TTN: variants seen among roughly 807,000 people sequenced by gnomAD.
The protein encoded by TTN is titin.
A neutral mutation model predicts 3,223.0 loss-of-function variants in TTN; 1,525 were observed. The observed-to-expected ratio is 0.47, with a 90% CI of 0.45 to 0.49. The LOEUF is 0.49. TTN is among the 20% of genes least tolerant of loss of function. TTN has a pLI of 0.00. For missense variants in TTN, 40,786 were observed against 43,424.0 expected (o/e 0.94, Z 5.40); for synonymous variants, 14,094 against 15,161.0 (o/e 0.93, Z 5.17).
chr2:178,681,486 GA>G, intron 136 of TTN, 36 bp from the exon 137 acceptor site: 1 of 1,566,122 alleles, frequency 6.4e-7, no homozygotes, highest in South Asian at 1.2e-5. Flanking sequence ...TTTAAAAATT[GA>G]AACAGGTTTC....
rs1704468647 is a variant in TTN at position 178,563,531 on chromosome 2, A to G, written c.82601T>C (p.Leu27534Pro). ...LTDLRLRVTG[L>P]TEGHSYEFRV... ...GAATTCATAGGAATGGCCTTCGGTA[A>G]GACCAGTTACCCTGAGCCGCAGATC... is the stretch of plus-strand genomic sequence containing the variant. Residue 27534 changes from leucine to proline, a missense_variant, in exon 326 of 363, where the codon CTT becomes CCT. Physicochemically the swap from Leu to Pro is moderately conservative, Grantham distance 98. Coordinates refer to ENST00000589042, the MANE Select transcript of TTN (RefSeq NM_001267550.2). This position sits in a 1 kb window ranked among gnomAD's most constrained non-coding sequence, Gnocchi z 4.5. 6.2e-7 allele frequency: 1 copy of G among 1,613,678 alleles called. No individual in the cohort carries two copies. The highest frequency in any genetic ancestry group is 8.5e-7 in the Non-Finnish European group (1 of 1,179,764).
Position 178,678,836 on chromosome 2 carries a change from A to C in TTN, c.33743-6T>G. ...TTTCTTGGGCACTTCAGGAACTTCA[A>C]AGATATCAAATAGAGTTAGTGTCAC... On this transcript the variant is annotated splice_region_variant and splice_polypyrimidine_tract_variant and intron_variant, in intron 142 of 362. Coordinates refer to ENST00000589042, the MANE Select transcript of TTN (RefSeq NM_001267550.2). 1.3e-6 allele frequency: 2 copies of C among 1,584,666 alleles called. No individual in the cohort carries two copies. The highest frequency in any genetic ancestry group is 4.6e-5 in the East Asian group (2 of 43,324).
intron 288 of TTN, chr2:178,600,456 A>C: frequency 5.5e-6 from 1 of 181,826 alleles, no homozygotes; most frequent in South Asian, 1.0e-4. Context: ...ATTAAAATGG[A>C]TATATCTTTT....
At position 178,723,708 on chromosome 2, in the gene TTN, T is replaced by C. The variant is rs2078839928; in HGVS notation, c.21404-12A>G. On this transcript the variant is annotated splice_polypyrimidine_tract_variant and intron_variant, in intron 73 of 362. Coordinates refer to ENST00000589042, the MANE Select transcript of TTN (RefSeq NM_001267550.2). ...AAAAGAGGGTGGTTCTATATAGACATGGAGAACAATTAAAAGATCCTGTAA... is the reference window on the plus strand; with the variant it reads ...AAAAGAGGGTGGTTCTATATAGACACGGAGAACAATTAAAAGATCCTGTAA... 1 of 1,544,364 alleles carries C rather than the reference T, an allele frequency of 6.5e-7. No individual in the cohort carries two copies. Among genetic ancestry groups the C allele is most frequent in the Non-Finnish European group, 8.7e-7 (1 of 1,150,848 alleles).
intron 121 of TTN, 109 bp from the exon 122 acceptor site, chr2:178,690,005 TCTATGCATCA>T (rs1370596889): frequency 4.6e-6 from 4 of 866,160 alleles, no homozygotes; most frequent in Non-Finnish European, 3.6e-6. Context: ...TTATGGATTA[TCTATGCATCA>T]GCAAAATTAT....
chr2:178,574,295 G>C lies in TTN; in HGVS notation c.71837C>G (p.Ala23946Gly), dbSNP rs1709305155. Residue 23946 changes from alanine to glycine, a missense_variant, in exon 326 of 363, where the codon GCT becomes GGT. Physicochemically the swap from Ala to Gly is moderately conservative, Grantham distance 60. Coordinates refer to ENST00000589042, the MANE Select transcript of TTN (RefSeq NM_001267550.2). ...ITRHTVTLKWAKPEYTGGFKI... is the reference protein window; with the variant it reads ...ITRHTVTLKWGKPEYTGGFKI... The stretch of plus-strand genomic sequence containing the variant: ...AAAGCCCCCAGTATATTCAGGCTTA[G>C]CCCATTTAAGTGTTACTGTGTGTCT... 1.2e-6 allele frequency: 2 copies of C among 1,613,414 alleles called. No homozygotes were observed. The highest frequency in any genetic ancestry group is 4.5e-5 in the East Asian group (2 of 44,722).
rs751248617 is a variant in TTN at position 178,684,421 on chromosome 2, G to T, written c.32639-8C>A. On this transcript the variant is annotated splice_region_variant and splice_polypyrimidine_tract_variant and intron_variant, in intron 131 of 362. Transcript: ENST00000589042. ...GCATGTGCCTCTCAGTCACTTAAAA[G>T]ATAATTTTAGGATTAGGGAGTTATA... The T allele has an allele frequency of 5.6e-6, 9 of 1,612,882 alleles. No homozygotes were observed. The highest frequency in any genetic ancestry group is 4.2e-6 in the Non-Finnish European group (5 of 1,179,250).
rs1356796572 is a variant in TTN, at chr2:178,632,531, A to G, written c.43475T>C (p.Ile14492Thr). Residue 14492 changes from isoleucine (I) to threonine (T), a missense_variant, in exon 235 of 363, where the codon ATT (isoleucine) becomes ACT (threonine). Transcript: ENST00000589042. ...TATTTGATAAAACTATTTACCTTCA[A>G]TGATCAGTTTGCCACTTGTGTGCTT... ...EDKHTSGKLI[I>T]EGIRLKFLTP... 2 of 1,612,754 alleles carry G rather than the reference A, an allele frequency of 1.2e-6. No homozygotes were observed. The highest frequency in any genetic ancestry group is 1.7e-5 in the Admixed American group (1 of 59,900).
rs778578711 is a variant in TTN at position 178,607,450 on chromosome 2, A to G, written c.53238T>C (p.Ala17746=). 6.2e-7 allele frequency: 1 copy of G among 1,613,210 alleles called. No homozygotes were observed. Among genetic ancestry groups the G allele is most frequent in the Non-Finnish European group, 8.5e-7 (1 of 1,179,398 alleles). The part of the protein sequence containing the change: ...RKDHGRYVIT[A]TNSCGSKFAA... Reference sequence around the variant, plus strand: ...CAAATTTGGAACCACAGCTATTTGTAGCTGTAATCACATATCTGCCATGGT... The same window carrying G: ...CAAATTTGGAACCACAGCTATTTGTGGCTGTAATCACATATCTGCCATGGT... Residue 17746 remains alanine (A), a synonymous_variant, in exon 277 of 363, where the codon GCT becomes GCC. Coordinates refer to ENST00000589042, the MANE Select transcript of TTN (RefSeq NM_001267550.2).
At chr2:178,750,210 C>G (rs1245349824) in intron 47 of TTN, 2 of 1,613,090 alleles carry the variant, frequency 1.2e-6, no homozygotes, top group Non-Finnish European at 1.7e-6. Flanking sequence ...TTTGCTTGGT[C>G]AAACACCAAT....
rs1481386826 is a variant in TTN, at chr2:178,680,240, G to C, written c.33418+14C>G. On this transcript the variant is annotated intron_variant, in intron 139 of 362. Coordinates refer to ENST00000589042, the MANE Select transcript of TTN (RefSeq NM_001267550.2). ...AAAGACGAACAAAACATTAAAATGA[G>C]TGCCATTAGGTACCTCTAACAGGTG... 1.9e-6 allele frequency: 3 copies of C among 1,610,434 alleles called. No homozygotes were observed. Among genetic ancestry groups the C allele is most frequent in the Non-Finnish European group, 2.5e-6 (3 of 1,178,332 alleles).
At position 178,781,184 on chromosome 2, in the gene TTN, A is replaced by G; in HGVS notation, c.3460T>C (p.Tyr1154His). The G allele has an allele frequency of 6.2e-7, 1 of 1,614,074 alleles. No individual in the cohort carries two copies. The highest frequency in any genetic ancestry group is 8.5e-7 in the Non-Finnish European group (1 of 1,179,980). The part of the protein sequence containing the change: ...SMTFADDAGE[Y>H]TIVVRNKHGE... The stretch of plus-strand genomic sequence containing the variant: ...TGCTTATTGCGAACAACAATAGTGT[A>G]TTCTCCAGCATCATCAGCAAAAGTC... Residue 1154 changes from tyrosine to histidine, a missense_variant, in exon 21 of 363, where the codon TAC becomes CAC. Tyr to His is a moderately conservative substitution (Grantham distance 83, BLOSUM62 2). Transcript: ENST00000589042.
Position 178,587,778 on chromosome 2 carries a change from A to G in TTN, c.63531T>C (p.Asp21177=), listed in dbSNP as rs879247635. Residue 21177 remains aspartate, a synonymous_variant, in exon 306 of 363, where the codon GAT becomes GAC. Transcript: ENST00000589042. ...EILEPPEIDL[D]ASMRKLVIVR... ...CTATGACCAGTTTCCTCATGCTGGC[A>G]TCCAAATCAATCTCCGGAGGTTCTG... 6.2e-7 allele frequency: 1 copy of G among 1,603,562 alleles called. No homozygotes were observed. Among genetic ancestry groups the G allele is most frequent in the Non-Finnish European group, 8.5e-7 (1 of 1,173,832 alleles).
Position 178,570,476 on chromosome 2 carries a change from G to C in TTN, c.75656C>G (p.Ala25219Gly). The C allele has an allele frequency of 1.9e-6, 3 of 1,613,216 alleles. No homozygotes were observed. The highest frequency in any genetic ancestry group is 2.5e-6 in the Non-Finnish European group (3 of 1,179,542). Residue 25219 changes from alanine (A) to glycine (G), a missense_variant, in exon 326 of 363, where the codon GCA (alanine) becomes GGA (glycine). Physicochemically the swap from Ala to Gly is moderately conservative, Grantham distance 60. Transcript: ENST00000589042. ...EGPVVISGVT[A>G]EKCTLAWKPP... ...TTTCCAAGCTAGTGTGCATTTTTCT[G>C]CTGTAACTCCTGAGATAACAACAGG... is the stretch of plus-strand genomic sequence containing the variant.
At chr2:178,693,342 G>A (rs2072916937) in intron 119 of TTN, among the ~76,000 whole-genome samples, 1 of 151,956 alleles carries the variant, frequency 6.6e-6, no homozygotes, top group South Asian at 2.1e-4. Flanking sequence ...GCATGAACTG[G>A]CTCCAGGACA....
At chr2:178,747,039 T>G in intron 47 of TTN, 1 of 1,613,368 alleles carries the variant, frequency 6.2e-7, no homozygotes, top group Non-Finnish European at 8.5e-7. Context: ...GGTCCTCCAG[T>G]AGGAATAGAA....
At position 178,744,644 on chromosome 2, in the gene TTN, C is replaced by T. The variant is rs2083126494; in HGVS notation, c.11312-2723G>A. ...TGTTATCTTGTTATTTATATATAAT[C>T]TGAAATACAAATTACCATATTGTCT... is the stretch of plus-strand genomic sequence containing the variant. On this transcript the variant is annotated intron_variant, in intron 47 of 362. Coordinates refer to ENST00000589042, the MANE Select transcript of TTN (RefSeq NM_001267550.2). The T allele has an allele frequency of 3.2e-6, 3 of 951,082 alleles. No homozygotes were observed. In the East Asian group the frequency reaches 3.5e-4, roughly 110 times the overall value. The allele number at this position is 951,082 out of a possible 1,614,324, so 58.9% of individuals were successfully genotyped here.
In TTN at chr2:178,570,520, T is replaced by A. The variant is rs1707795388; in HGVS notation, c.75612A>T (p.Arg25204Ser). The A allele has an allele frequency of 6.2e-7, 1 of 1,613,232 alleles. No homozygotes were observed. The highest frequency in any genetic ancestry group is 8.5e-7 in the Non-Finnish European group (1 of 1,179,588). ...CAACAGGTCCTTCAGGTGGCCCTGGTCTGTCAAGAACCTTGACATTCACAG... is the reference window on the plus strand; with the variant it reads ...CAACAGGTCCTTCAGGTGGCCCTGGACTGTCAAGAACCTTGACATTCACAG... Reference protein sequence around the residue: ...SVTVNVKVLDRPGPPEGPVVI... With the variant: ...SVTVNVKVLDSPGPPEGPVVI... Residue 25204 changes from arginine to serine, a missense_variant, in exon 326 of 363, where the codon AGA becomes AGT. Arg to Ser is a moderately radical substitution (Grantham distance 110). Coordinates refer to ENST00000589042, the MANE Select transcript of TTN (RefSeq NM_001267550.2).
At chr2:178,606,280 A>G (rs114744852) in intron 278 of TTN, among the ~76,000 whole-genome samples, 2,238 of 152,128 alleles carry the variant, frequency 0.015, 62 homozygotes, top group African/African-American at 0.051. Context: ...TGCAACCAGA[A>G]GGAGTGGAAG....
Sources: allele counts gnomAD v4.1 joint callset (sites outside exome capture counted in the v4.1 genomes callset), GRCh38; gene constraint gnomAD v4.1.1; non-coding constraint Gnocchi (gnomAD v3.1); transcripts MANE v1.5; gene names NCBI Gene and HGNC (gene_info 2026-07-23, HGNC 2026-07-21).